Variants in TENM2 observed in about 807,000 individuals in gnomAD.
TENM2 encodes teneurin transmembrane protein 2, also known as teneurin-2.
Under a neutral mutation model 245.2 loss-of-function variants are expected in TENM2, and 52 were observed. The ratio of observed to expected loss-of-function variants is 0.21; its 90% CI spans 0.17 to 0.27. TENM2 has a LOEUF of 0.27. TENM2 is among the 10% of genes least tolerant of loss of function. The pLI, the probability that TENM2 is intolerant of heterozygous loss-of-function variation, is 1.00. For synonymous variants in TENM2, 1,363 were observed against 1,438.9 expected (o/e 0.95, Z 1.19); for missense variants, 3,046 against 3,666.8 (o/e 0.83, Z 4.37).
intron 2 of TENM2, among the ~76,000 whole-genome samples, chr5:167,561,519 C>T (rs1038775298): frequency 2.6e-5 from 4 of 152,142 alleles, no homozygotes; most frequent in Non-Finnish European, 5.9e-5. Context: ...AAAACAGTTG[C>T]CCAAAATGGA....
chr5:167,699,520 C>T (rs1242328599), intron 2 of TENM2, among the ~76,000 whole-genome samples: 3 of 152,228 alleles, frequency 2.0e-5, no homozygotes, highest in Non-Finnish European at 4.4e-5. Context: ...AATCACCTTA[C>T]TTTCAGCTGA....
chr5:167,617,924 C>T (rs1777895666), intron 2 of TENM2, among the ~76,000 whole-genome samples: 1 of 152,104 alleles, frequency 6.6e-6, no homozygotes, highest in South Asian at 2.1e-4. Context: ...AGATGGGACC[C>T]AGTGATGGCT....
At chr5:167,712,183 G>A (rs1758957088) in intron 2 of TENM2, among the ~76,000 whole-genome samples, 1 of 152,110 alleles carries the variant, frequency 6.6e-6, no homozygotes, top group Non-Finnish European at 1.5e-5. Context: ...GCCTTAGTTA[G>A]TGAATTACTG....
At chr5:168,202,689 G>C (rs936367894) in intron 17 of TENM2, among the ~76,000 whole-genome samples, 5 of 151,620 alleles carry the variant, frequency 3.3e-5, no homozygotes, top group African/African-American at 1.2e-4. Flanking sequence ...CATTTTCAGA[G>C]GACAAGCTAG....
intron 2 of TENM2, among the ~76,000 whole-genome samples, chr5:167,462,175 A>C (rs1386302306): frequency 0.014 from 725 of 52,426 alleles, no homozygotes; most frequent in Middle Eastern, 0.025. Flanking sequence ...GAGTTCCCTG[A>C]CCCCCACCCC....
intron 10 of TENM2, among the ~76,000 whole-genome samples, 165 bp downstream of exon 12, chr5:168,118,651 G>A (rs1297253818): frequency 6.6e-6 from 1 of 152,170 alleles, no homozygotes; most frequent in Admixed American, 6.5e-5. Flanking sequence ...TTCTTTGGTT[G>A]TAGAACAAGA....
the TENM2 span, among the ~76,000 whole-genome samples, chr5:167,271,036 A>T: frequency 6.6e-6 from 1 of 152,166 alleles, no homozygotes; most frequent in African/African-American, 2.4e-5. Flanking sequence ...TTGATGGTGC[A>T]TCCTCTGCAC....
At chr5:167,683,799 TCTATGAATG>T (rs1756897270) in intron 2 of TENM2, among the ~76,000 whole-genome samples, 1 of 152,182 alleles carries the variant, frequency 6.6e-6, no homozygotes, top group Non-Finnish European at 1.5e-5. Flanking sequence ...TAACAATCGA[TCTATGAATG>T]GCCTGCCAGC....
At chr5:167,045,647 C>T in the TENM2 span, among the ~76,000 whole-genome samples, 1 of 152,202 alleles carries the variant, frequency 6.6e-6, no homozygotes, top group South Asian at 2.1e-4. Context: ...CAAGGAAAAG[C>T]ACAGCTAGTC....
intron 2 of TENM2, among the ~76,000 whole-genome samples, chr5:167,568,701 A>C (rs1582411196): frequency 1.3e-5 from 2 of 151,248 alleles, no homozygotes; most frequent in Non-Finnish European, 2.9e-5. Context: ...ATATATTTCA[A>C]ATAAAAGCAT....
At chr5:168,252,048 T>TGAGAATGTC (rs1767158820) in intron 27 of TENM2, among the ~76,000 whole-genome samples, 1 of 152,174 alleles carries the variant, frequency 6.6e-6, no homozygotes, top group South Asian at 2.1e-4. Flanking sequence ...ATGATTGACA[T>TGAGAATGTC]ACCTGTGATG....
chr5:167,359,213 A>G (rs1759545263), intron 1 of TENM2, among the ~76,000 whole-genome samples: 1 of 152,076 alleles, frequency 6.6e-6, no homozygotes, highest in African/African-American at 2.4e-5. Context: ...GGTCCTTAAA[A>G]TCACCTCCAA....
chr5:168,108,294 A>T (rs1018886910), intron 9 of TENM2, among the ~76,000 whole-genome samples: 5 of 152,250 alleles, frequency 3.3e-5, no homozygotes, highest in Non-Finnish European at 7.3e-5. Context: ...ATTATGTCAT[A>T]ATAGCCAAGT....
At chr5:167,383,891 A>G (rs1031671799) in intron 2 of TENM2, among the ~76,000 whole-genome samples, 3 of 152,206 alleles carry the variant, frequency 2.0e-5, no homozygotes, top group African/African-American at 7.2e-5. Flanking sequence ...AACAGGTTAC[A>G]TAAATACAGA....
chr5:167,102,087 G>T, the TENM2 span, among the ~76,000 whole-genome samples: 1 of 150,456 alleles, frequency 6.6e-6, no homozygotes, highest in Admixed American at 6.7e-5. Context: ...TTAGCCAGGT[G>T]TGGTGGCACG....
intron 2 of TENM2, among the ~76,000 whole-genome samples, chr5:167,443,151 G>T (rs1398375698): frequency 1.3e-5 from 2 of 152,076 alleles, no homozygotes; most frequent in Admixed American, 6.6e-5. Flanking sequence ...AAGTGGTGAG[G>T]ACATGTCAAT....
intron 2 of TENM2, among the ~76,000 whole-genome samples, chr5:167,828,056 AC>A (rs1416485260): frequency 6.6e-6 from 1 of 152,180 alleles, no homozygotes; most frequent in African/African-American, 2.4e-5. Context: ...TTATTTTGCA[AC>A]CACTTCAATA....
At chr5:167,924,385 A>C (rs1289687591) in intron 3 of TENM2, among the ~76,000 whole-genome samples, 1 of 152,210 alleles carries the variant, frequency 6.6e-6, no homozygotes, top group Admixed American at 6.5e-5. Flanking sequence ...TGATGGGCCA[A>C]ACGTTGTTTT....
chr5:167,412,320 A>C (rs2127406695), intron 2 of TENM2, among the ~76,000 whole-genome samples: 1 of 152,224 alleles, frequency 6.6e-6, no homozygotes, highest in Middle Eastern at 3.4e-3. Context: ...GGGACTTGTT[A>C]GATATGGAAA....
Sources: allele counts gnomAD v4.1 joint callset (sites outside exome capture counted in the v4.1 genomes callset), GRCh38; gene constraint gnomAD v4.1.1; transcripts MANE v1.5; gene names NCBI Gene and HGNC (gene_info 2026-07-23, HGNC 2026-07-21).